Variants in DGKI observed in about 807,000 individuals in gnomAD.
DGKI encodes DAG kinase iota.
A neutral mutation model predicts 147.5 loss-of-function variants in DGKI; 55 were observed. That is an observed-to-expected ratio of 0.37 (90% CI 0.30 to 0.47). The LOEUF is 0.47. Among genes scored for constraint, DGKI ranks in the 20% least tolerant of loss-of-function variants. The pLI is 1.00. For synonymous variants in DGKI, 469 were observed against 477.1 expected (o/e 0.98, Z 0.22); for missense variants, 1,007 against 1,323.8 (o/e 0.76, Z 3.71).
intron 1 of DGKI, among the ~76,000 whole-genome samples, chr7:137,834,552 C>A (rs548930789): frequency 6.6e-6 from 1 of 152,130 alleles, no homozygotes; most frequent in Non-Finnish European, 1.5e-5. Context: ...GGGCAACTTA[C>A]TGGAAATTAA....
intron 1 of DGKI, among the ~76,000 whole-genome samples, chr7:137,730,149 C>T (rs916575092): frequency 1.3e-5 from 2 of 152,060 alleles, no homozygotes; most frequent in African/African-American, 2.4e-5. Flanking sequence ...TCTAATAGGC[C>T]GCCTACACAC....
At chr7:137,547,191 C>A (rs1354933534) in intron 20 of DGKI, among the ~76,000 whole-genome samples, 4 of 152,012 alleles carry the variant, frequency 2.6e-5, no homozygotes, top group African/African-American at 4.8e-5. Context: ...CTGCTTATTA[C>A]TTTTTGTGGG....
chr7:137,599,075 A>G (rs1819895016), intron 11 of DGKI, among the ~76,000 whole-genome samples: 1 of 152,206 alleles, frequency 6.6e-6, no homozygotes, highest in Admixed American at 6.5e-5. Flanking sequence ...ATTAAAAAAT[A>G]AGTGGTACCC....
At chr7:137,517,027 T>A (rs1274241978) in intron 21 of DGKI, among the ~76,000 whole-genome samples, 1 of 151,674 alleles carries the variant, frequency 6.6e-6, no homozygotes, top group Non-Finnish European at 1.5e-5. Context: ...GTATATCACA[T>A]AAGTCTTGAC....
chr7:137,440,452 A>G (rs1813455896), intron 28 of DGKI, among the ~76,000 whole-genome samples: 1 of 152,236 alleles, frequency 6.6e-6, no homozygotes, highest in Non-Finnish European at 1.5e-5. Flanking sequence ...AGTAGTAAAT[A>G]TACTCTTGTT....
intron 1 of DGKI, among the ~76,000 whole-genome samples, chr7:137,817,185 G>T (rs528912425): frequency 6.6e-6 from 1 of 152,190 alleles, no homozygotes; most frequent in African/African-American, 2.4e-5. Context: ...CTTTGTAGAA[G>T]ACCCTTCCCA....
At chr7:137,655,745 G>T (rs1042577761) in intron 4 of DGKI, among the ~76,000 whole-genome samples, 1 of 152,114 alleles carries the variant, frequency 6.6e-6, no homozygotes, top group Non-Finnish European at 1.5e-5. Context: ...ATGTCATGGG[G>T]GACTAAAATA....
At chr7:137,665,888 A>C (rs1822622128) in intron 3 of DGKI, among the ~76,000 whole-genome samples, 2 of 152,222 alleles carry the variant, frequency 1.3e-5, no homozygotes, top group African/African-American at 4.8e-5. Flanking sequence ...AACTAGAAAG[A>C]CACACAAAAA....
chr7:137,599,990 TTTAAAATAATAC>T, intron 10 of DGKI, 85 bp from the exon 11 acceptor site: 1 of 1,201,914 alleles, frequency 8.3e-7, no homozygotes. Flanking sequence ...AATACTTTTA[TTTAAAATAATAC>T]ACAGGGCACG....
At chr7:137,554,913 TC>T (rs1328091038) in intron 19 of DGKI, among the ~76,000 whole-genome samples, 54 of 147,002 alleles carry the variant, frequency 3.7e-4, no homozygotes, top group African/African-American at 5.1e-4. Flanking sequence ...AAAACTATTT[TC>T]TTTTTTTTTT....
chr7:137,787,275 G>C (rs939566439), intron 1 of DGKI, among the ~76,000 whole-genome samples: 6 of 150,700 alleles, frequency 4.0e-5, no homozygotes, highest in African/African-American at 1.5e-4. Flanking sequence ...AAATCAGCAA[G>C]AAAAAAAAAT....
intron 19 of DGKI, among the ~76,000 whole-genome samples, chr7:137,562,807 A>G (rs1370191908): frequency 6.6e-6 from 1 of 152,152 alleles, no homozygotes; most frequent in Non-Finnish European, 1.5e-5. Context: ...AAAGCCAAAT[A>G]GTATATTAGG....
intron 6 of DGKI, among the ~76,000 whole-genome samples, chr7:137,630,662 T>C (rs899534829): frequency 6.6e-6 from 1 of 152,218 alleles, no homozygotes; most frequent in Non-Finnish European, 1.5e-5. Context: ...ACATTTTAAT[T>C]TACATTAACT....
chr7:137,537,215 G>A (rs1318930036), intron 20 of DGKI, among the ~76,000 whole-genome samples: 2 of 152,048 alleles, frequency 1.3e-5, no homozygotes, highest in Non-Finnish European at 2.9e-5. Context: ...AAGAAGAGAC[G>A]ATGGGCAAAG....
At chr7:137,604,003 T>A (rs1038115035) in intron 10 of DGKI, among the ~76,000 whole-genome samples, 2 of 152,148 alleles carry the variant, frequency 1.3e-5, no homozygotes, top group Non-Finnish European at 2.9e-5. Flanking sequence ...CAGACTGACA[T>A]TTTTTATGCA....
intron 20 of DGKI, among the ~76,000 whole-genome samples, chr7:137,548,919 C>G (rs1037035864): frequency 1.3e-5 from 2 of 152,140 alleles, no homozygotes; most frequent in African/African-American, 4.8e-5. Context: ...CAAGAGGGCA[C>G]CATGGCACTC....
At chr7:137,747,467 T>C (rs192782473) in intron 1 of DGKI, among the ~76,000 whole-genome samples, 5 of 152,240 alleles carry the variant, frequency 3.3e-5, no homozygotes, top group East Asian at 1.9e-4. Flanking sequence ...AATCCGTAAA[T>C]GACTTTGTAA....
intron 1 of DGKI, among the ~76,000 whole-genome samples, chr7:137,697,167 A>C (rs570574974): frequency 6.6e-6 from 1 of 152,286 alleles, no homozygotes; most frequent in Non-Finnish European, 1.5e-5. Flanking sequence ...TTGTTATGGC[A>C]ACCCTAGCAA....
At chr7:137,755,103 T>C (rs183048400) in intron 1 of DGKI, among the ~76,000 whole-genome samples, 14 of 152,276 alleles carry the variant, frequency 9.2e-5, no homozygotes, top group African/African-American at 3.4e-4. Context: ...AATTGGCACC[T>C]ACACAGATTA....
Sources: allele counts gnomAD v4.1 joint callset (sites outside exome capture counted in the v4.1 genomes callset), GRCh38; gene constraint gnomAD v4.1.1; transcripts MANE v1.5; gene names NCBI Gene and HGNC (gene_info 2026-07-23, HGNC 2026-07-21).